CCDC57: variants seen among roughly 807,000 people sequenced by gnomAD.
The protein encoded by CCDC57 is coiled-coil domain containing 57.
Under a neutral mutation model 118.9 loss-of-function variants are expected in CCDC57, and 118 were observed. That is an observed-to-expected ratio of 0.99 (90% CI 0.86 to 1.16). The LOEUF (loss-of-function observed/expected upper bound fraction) is 1.16. Among genes scored for constraint, CCDC57 ranks in the 50% most tolerant of loss-of-function variants. The pLI is 0.00. For synonymous variants in CCDC57, 527 were observed against 532.9 expected (o/e 0.99, Z 0.15); for missense variants, 1,300 against 1,320.7 (o/e 0.98, Z 0.24).
chr17:82,156,301 AAG>A (rs1491257589), intron 15 of CCDC57: 1 of 151,932 alleles, frequency 6.6e-6, no homozygotes. Context: ...AAAAAAAAAA[AAG>A]AAAGAAAAAA....
chr17:82,145,049 G>T (rs1423698039), intron 16 of CCDC57, among the ~76,000 whole-genome samples: 1 of 135,118 alleles, frequency 7.4e-6, no homozygotes, highest in Non-Finnish European at 1.5e-5. Context: ...TTGAGACAGA[G>T]TCTCGCTCTG....
At chr17:82,180,574 C>A (rs2046081899) in intron 9 of CCDC57, among the ~76,000 whole-genome samples, 1 of 152,202 alleles carries the variant, frequency 6.6e-6, no homozygotes, top group South Asian at 2.1e-4. Context: ...CTCCTGGGCT[C>A]AAGTGGTCCT....
At chr17:82,208,414 GC>G (rs1229905234) in intron 1 of CCDC57, among the ~76,000 whole-genome samples, 1 of 151,872 alleles carries the variant, frequency 6.6e-6, no homozygotes, top group East Asian at 1.9e-4. Flanking sequence ...CCGCCACCAT[GC>G]CCGGCTAATT....
Position 82,193,753 on chromosome 17 carries a change from C to G in CCDC57, c.851+3G>C. 1 of 1,591,724 alleles carries G rather than the reference C, an allele frequency of 6.3e-7. No homozygotes were observed. Among genetic ancestry groups the G allele is most frequent in the Non-Finnish European group, 8.6e-7 (1 of 1,168,088 alleles). The stretch of plus-strand genomic sequence containing the variant: ...GCATGATGTTGGGAGCCGAAACACT[C>G]ACTTCCTCTTAAATGTTTCCTCTTC... On this transcript the variant is annotated splice_donor_region_variant and intron_variant, in intron 7 of 19. Transcript: ENST00000665763.
intron 19 of CCDC57, among the ~76,000 whole-genome samples, chr17:82,114,192 A>G (rs1045315382): frequency 6.6e-6 from 1 of 152,200 alleles, no homozygotes; most frequent in African/African-American, 2.4e-5. Flanking sequence ...GTTTCTTAAC[A>G]TGTCACAGCC....
chr17:82,203,701 G>T (rs988337481), intron 2 of CCDC57, among the ~76,000 whole-genome samples: 2 of 152,134 alleles, frequency 1.3e-5, no homozygotes, highest in African/African-American at 4.8e-5. Context: ...GTATGAGCTC[G>T]ATTTGGACAC....
chr17:82,131,410 G>A (rs893349712), intron 17 of CCDC57, among the ~76,000 whole-genome samples: 4 of 151,636 alleles, frequency 2.6e-5, no homozygotes, highest in South Asian at 2.1e-4. Flanking sequence ...TAGCCTGGGC[G>A]ACAAAGTGAG....
At chr17:82,113,899 T>C (rs1183159299) in intron 19 of CCDC57, 2 of 549,398 alleles carry the variant, frequency 3.6e-6, no homozygotes, top group East Asian at 3.1e-5. Context: ...TGAACCAAGA[T>C]TGTGCCACTG....
chr17:82,193,015 G>A (rs1362642013), intron 7 of CCDC57, among the ~76,000 whole-genome samples: 1 of 152,114 alleles, frequency 6.6e-6, no homozygotes, highest in Non-Finnish European at 1.5e-5. Context: ...TGGGATTACA[G>A]GCCTGAGCCA....
At chr17:82,111,040 T>A (rs1159457316) in intron 19 of CCDC57, among the ~76,000 whole-genome samples, 1 of 151,916 alleles carries the variant, frequency 6.6e-6, no homozygotes, top group African/African-American at 2.4e-5. Flanking sequence ...GAAGACAGCC[T>A]CATCATCTCC....
intron 8 of CCDC57, 93 bp from the exon 8 acceptor site, chr17:82,184,025 GCGCGCGCACACACACACA>G (rs1171065372): frequency 7.2e-5 from 28 of 388,410 alleles, no homozygotes; most frequent in African/African-American, 2.5e-4. Flanking sequence ...ATGCGCGCGC[GCGCGCGCACACACACACA>G]CACACACACA....
At chr17:82,171,435 C>A (rs1055922901) in intron 13 of CCDC57, among the ~76,000 whole-genome samples, 1 of 143,998 alleles carries the variant, frequency 6.9e-6, no homozygotes, top group Non-Finnish European at 1.5e-5. Flanking sequence ...AAACAGGGAA[C>A]GCTGACTGCA....
At chr17:82,107,494 C>T (rs779984592) in intron 19 of CCDC57, 1 of 470,674 alleles carries the variant, frequency 2.1e-6, no homozygotes, top group South Asian at 1.5e-5. Context: ...CATCAGGGGC[C>T]AAAGCGGACC....
At chr17:82,183,779 A>G in exon 9 of CCDC57, 1 of 1,557,624 alleles carries the variant, frequency 6.4e-7, no homozygotes, top group Non-Finnish European at 8.7e-7. Flanking sequence ...GTTACCTTTC[A>G]ATGTCCTGCT....
exon 20 of CCDC57, chr17:82,101,654 CT>C (rs139419313): frequency 0.034 from 53,561 of 1,572,808 alleles, 1,385 homozygotes; most frequent in African/African-American, 0.11. Flanking sequence ...CCGAGCACCC[CT>C]TAGTGGGGCG....
At chr17:82,137,315 C>T (rs11077973) in intron 16 of CCDC57, among the ~76,000 whole-genome samples, 70,880 of 151,882 alleles carry the variant, frequency 0.47, 17,306 homozygotes, top group East Asian at 0.88. Flanking sequence ...GCCACTGCAC[C>T]CAGCCTTCCT....
At chr17:82,128,092 T>C (rs747096384) in intron 18 of CCDC57, among the ~76,000 whole-genome samples, 184 bp from the exon 18 acceptor site, 1 of 151,356 alleles carries the variant, frequency 6.6e-6, no homozygotes, top group Non-Finnish European at 1.5e-5. Flanking sequence ...GGGGAGCGAG[T>C]CTCAGCGCTG....
rs1402049235 is a variant in CCDC57 at position 82,169,458 on chromosome 17, C to T, written c.1882+2243G>A. On this transcript the variant is annotated intron_variant, in intron 13 of 19. Transcript: ENST00000665763. ...CCTCCCCTATTTGAGACAATCTGTG[C>T]CAGTGGAGTGTCCTGTCTGGCCCCT... Among the ~76,000 whole-genome samples the T allele has an allele frequency of 7.9e-5, 12 of 152,170 alleles. 1 individual carries two copies.
chr17:82,206,123 C>A lies in CCDC57; in HGVS notation c.-9+1724G>T, dbSNP rs147771195. Among the ~76,000 whole-genome samples, 3 of 152,362 alleles carry A rather than the reference C, an allele frequency of 2.0e-5. No homozygotes were observed. The East Asian group carries it at 5.8e-4, about 29-fold the overall frequency. The stretch of plus-strand genomic sequence containing the variant: ...GGAGAAGCCGCCGGGGAGGGAAGGC[C>A]TCGCTGTGCGTTCACCCTCTTTCAG... On this transcript the variant is annotated intron_variant, in intron 2 of 19. Transcript: ENST00000665763.
Sources: allele counts gnomAD v4.1 joint callset (sites outside exome capture counted in the v4.1 genomes callset), GRCh38; gene constraint gnomAD v4.1.1; transcripts MANE v1.5; gene names NCBI Gene and HGNC (gene_info 2026-07-23, HGNC 2026-07-21).